The following IQSEC1 variants were observed in gnomAD, a reference collection of about 807,000 sequenced individuals.
The protein encoded by IQSEC1 is IQ motif and Sec7 domain ArfGEF 1, also known as IQ motif and SEC7 domain-containing protein 1.
Under a neutral mutation model 91.0 loss-of-function variants are expected in IQSEC1, and 31 were observed. The observed-to-expected ratio is 0.34, with a 90% CI of 0.26 to 0.46. The LOEUF (loss-of-function observed/expected upper bound fraction) is 0.46. Among genes scored for constraint, IQSEC1 ranks in the 20% least tolerant of loss-of-function variants. The pLI is 1.00. For missense variants in IQSEC1, 1,388 were observed against 1,575.6 expected (o/e 0.88, Z 2.02); for synonymous variants, 699 against 662.6 (o/e 1.05, Z -0.84).
In IQSEC1 at chr3:13,214,480, C is replaced by T. The variant is rs1016725550; in HGVS notation, c.273-50347G>A. On this transcript the variant is annotated intron_variant, in intron 1 of 15. Coordinates refer to the IQSEC1 transcript ENST00000648114. This position sits in a 1 kb window ranked among gnomAD's most constrained non-coding sequence, Gnocchi z 4.5. ...ATCTGGGACATGTCCCTCCTCGTAG[C>T]CCTCCTTCCTCCAAGAAACAAATGG... is the stretch of plus-strand genomic sequence containing the variant. 6.6e-6 allele frequency among the ~76,000 whole-genome samples: 1 copy of T among 152,272 alleles called. No homozygotes were observed. Among genetic ancestry groups the T allele is most frequent in the African/African-American group, 2.4e-5 (1 of 41,476 alleles).
chr3:13,120,658 T>C (rs917872092), intron 2 of IQSEC1, among the ~76,000 whole-genome samples: 11 of 152,118 alleles, frequency 7.2e-5, no homozygotes, highest in Admixed American at 2.0e-4. Flanking sequence ...ATGAGCAAAG[T>C]GATCTGGTGC....
In IQSEC1 at chr3:12,983,379, C is replaced by T. The variant is rs893082645; in HGVS notation, c.24-41514G>A. Among the ~76,000 whole-genome samples, 21 of 152,000 alleles carry T rather than the reference C, an allele frequency of 1.4e-4. No homozygotes were observed. The highest frequency in any genetic ancestry group is 4.6e-4 in the African/African-American group (19 of 41,354). On this transcript the variant is annotated intron_variant, in intron 1 of 13. Coordinates refer to ENST00000613206, the MANE Select transcript of IQSEC1 (RefSeq NM_001134382.3). This position sits in a 1 kb window ranked among gnomAD's most constrained non-coding sequence, Gnocchi z 4.3. ...TGCAGTCTGGGTGCTGGCTTGGGGG[C>T]GGGTGAGGAGCAGGAGGAAGCATGG...
Position 12,954,198 on chromosome 3 carries a change from C to T in IQSEC1, c.24-12333G>A, listed in dbSNP as rs1288799465. 3.9e-5 allele frequency among the ~76,000 whole-genome samples: 6 copies of T among 152,314 alleles called. No homozygotes were observed. The East Asian group carries it at 7.7e-4, about 20-fold the overall frequency. ...TACCGTCAGCCTGCAGGGGCCAGGC[C>T]ACACCCTCCACGGCTGCTGTGAGAC... On this transcript the variant is annotated intron_variant, in intron 1 of 13. Transcript: ENST00000613206.
At chr3:12,997,896 C>T (rs190215520) in intron 1 of IQSEC1, among the ~76,000 whole-genome samples, 6 of 152,136 alleles carry the variant, frequency 3.9e-5, no homozygotes, top group East Asian at 3.9e-4. Context: ...TGTCATTGAC[C>T]GAAATGTCAT....
intron 1 of IQSEC1, among the ~76,000 whole-genome samples, chr3:12,951,194 G>C (rs1699520176): frequency 6.6e-6 from 1 of 152,220 alleles, no homozygotes; most frequent in Non-Finnish European, 1.5e-5. Flanking sequence ...AGGCCAAGGA[G>C]GATGGATCAC....
Position 12,935,083 on chromosome 3 carries a change from A to G in IQSEC1, c.1568+365T>C, listed in dbSNP as rs1223324698. On this transcript the variant is annotated intron_variant, in intron 3 of 13. Transcript: ENST00000613206. The surrounding 1 kb of genome is among the most constrained non-coding windows in gnomAD (Gnocchi z 8.0). ...CTGCTCAAAGGCCTTTGTGTCCCAC[A>G]TCACCCCTAGGCCTGACATCCAAAG... 6.6e-6 allele frequency among the ~76,000 whole-genome samples: 1 copy of G among 152,064 alleles called. No individual in the cohort carries two copies. Among genetic ancestry groups the G allele is most frequent in the Non-Finnish European group, 1.5e-5 (1 of 68,012 alleles).
chr3:13,235,828 G>C (rs1476060988), intron 1 of IQSEC1, among the ~76,000 whole-genome samples: 2 of 152,194 alleles, frequency 1.3e-5, no homozygotes, highest in South Asian at 2.1e-4. Flanking sequence ...GCATGTCCTT[G>C]CTACTCTGGT....
At chr3:13,255,914 G>A (rs942003816) in intron 1 of IQSEC1, among the ~76,000 whole-genome samples, 1 of 152,214 alleles carries the variant, frequency 6.6e-6, no homozygotes, top group Non-Finnish European at 1.5e-5. Context: ...AGCAATGGGT[G>A]ATGTCCAGAG....
At position 12,899,593 on chromosome 3, in the gene IQSEC1, G is replaced by T. The variant is rs1333166023; in HGVS notation, c.*1390C>A. ...TCACTGGACCATGGGAAGGCAGCGGGGGCTCCGCCGGGCACTCGTCGGCTG... is the reference window on the plus strand; with the variant it reads ...TCACTGGACCATGGGAAGGCAGCGGTGGCTCCGCCGGGCACTCGTCGGCTG... On this transcript the variant is annotated 3_prime_UTR_variant, in exon 14 of 14. Coordinates refer to ENST00000613206, the MANE Select transcript of IQSEC1 (RefSeq NM_001134382.3). 1.0e-6 allele frequency: 1 copy of T among 985,316 alleles called. No individual in the cohort carries two copies. Among genetic ancestry groups the T allele is most frequent in the Non-Finnish European group, 1.2e-6 (1 of 829,938 alleles). The allele number at this position is 985,316 out of a possible 1,614,324, so 61.0% of individuals were successfully genotyped here. A position where few individuals can be genotyped will look rare whatever the true frequency, so the allele number is the denominator to read the frequency against.
chr3:13,111,165 G>A (rs1340307133), intron 2 of IQSEC1, among the ~76,000 whole-genome samples: 1 of 152,198 alleles, frequency 6.6e-6, no homozygotes, highest in Non-Finnish European at 1.5e-5. Context: ...GCTGAGTCTG[G>A]GAGGAGAGTT....
chr3:12,921,496 C>T (rs879682466), intron 5 of IQSEC1, among the ~76,000 whole-genome samples: 1 of 152,260 alleles, frequency 6.6e-6, no homozygotes, highest in Non-Finnish European at 1.5e-5. Context: ...TGCGTAGTGA[C>T]CGCGAGCTCA....
chr3:13,066,219 CAT>C (rs767025247), intron 1 of IQSEC1, among the ~76,000 whole-genome samples: 87 of 152,102 alleles, frequency 5.7e-4, no homozygotes, highest in African/African-American at 8.9e-4. Context: ...AAAAGGCAAA[CAT>C]GTGGTCGATC....
At chr3:12,980,546 T>C (rs1701401188) in intron 1 of IQSEC1, among the ~76,000 whole-genome samples, 1 of 152,218 alleles carries the variant, frequency 6.6e-6, no homozygotes, top group Non-Finnish European at 1.5e-5. Flanking sequence ...GGAACATGAT[T>C]TGTAACTACA....
chr3:12,993,349 G>A (rs1278574659), intron 1 of IQSEC1, among the ~76,000 whole-genome samples: 1 of 152,166 alleles, frequency 6.6e-6, no homozygotes, highest in Non-Finnish European at 1.5e-5. Context: ...TCCCTCCCAA[G>A]GCGCGTCCGT....
intron 3 of IQSEC1, among the ~76,000 whole-genome samples, chr3:12,933,078 G>T (rs1218024576): frequency 6.6e-6 from 1 of 152,236 alleles, no homozygotes. Flanking sequence ...CTAGGAAGGG[G>T]TGGGAACTGA....
chr3:13,008,333 T>C lies in IQSEC1; in HGVS notation c.23+64659A>G, dbSNP rs546761224. 5.4e-4 allele frequency among the ~76,000 whole-genome samples: 82 copies of C among 152,268 alleles called. No individual in the cohort carries two copies. Among genetic ancestry groups the C allele is most frequent in the African/African-American group, 1.9e-3 (81 of 41,554 alleles). On this transcript the variant is annotated intron_variant, in intron 1 of 13. Coordinates refer to ENST00000613206, the MANE Select transcript of IQSEC1 (RefSeq NM_001134382.3). The surrounding 1 kb of genome is among the most constrained non-coding windows in gnomAD (Gnocchi z 4.1). ...AAATGTTTAGAGAATGAGGTAAGCA[T>C]CCTCCACCAGTGACCGTCAGGCTGT...
chr3:13,017,601 G>A (rs575947374), intron 1 of IQSEC1, among the ~76,000 whole-genome samples: 8 of 152,186 alleles, frequency 5.3e-5, no homozygotes, highest in African/African-American at 1.9e-4. Context: ...TCCTCACAGG[G>A]TGGGCGCTAG....
chr3:13,138,354 C>T (rs910812909), intron 2 of IQSEC1, among the ~76,000 whole-genome samples: 2 of 151,982 alleles, frequency 1.3e-5, no homozygotes. Flanking sequence ...CTAGGTGTCT[C>T]GGTGCCTCCC....
Position 12,967,338 on chromosome 3 carries a change from C to T in IQSEC1, c.24-25473G>A, listed in dbSNP as rs776284356. The T allele has an allele frequency of 1.4e-5, 21 of 1,480,932 alleles. No individual in the cohort carries two copies. In the South Asian group the frequency reaches 2.6e-4, roughly 18 times the overall value. 91.7% of individuals were successfully genotyped at this position (1,480,932 alleles called of 1,614,324 possible). A position where few individuals can be genotyped will look rare whatever the true frequency, so the allele number is the denominator to read the frequency against. ...AGGCATCCCCACAGCCTGCGCCAGCCCACCGCTCAGCACCCGGGAAGGCCG... is the reference window on the plus strand; with the variant it reads ...AGGCATCCCCACAGCCTGCGCCAGCTCACCGCTCAGCACCCGGGAAGGCCG... On this transcript the variant is annotated intron_variant, in intron 1 of 13. Coordinates refer to ENST00000613206, the MANE Select transcript of IQSEC1 (RefSeq NM_001134382.3). This position sits in a 1 kb window ranked among gnomAD's most constrained non-coding sequence, Gnocchi z 5.9.
Sources: gnomAD v4.1 joint callset for allele counts (sites outside exome capture counted in the v4.1 genomes callset) on GRCh38, gnomAD v4.1.1 for gene constraint, Gnocchi (gnomAD v3.1) non-coding constraint, MANE v1.5 for transcripts, NCBI Gene and HGNC (gene_info 2026-07-23, HGNC 2026-07-21) for gene names.